ZCCHC14: variants seen among roughly 807,000 people sequenced by gnomAD.
The protein encoded by ZCCHC14 is zinc finger CCHC domain-containing protein 14.
In ZCCHC14, 16 loss-of-function variants were observed where a neutral mutation model predicts 85.0. The observed-to-expected ratio is 0.19, with a 90% confidence interval of 0.13 to 0.29. ZCCHC14 has a LOEUF of 0.29. Ranked by LOEUF, ZCCHC14 falls within the 10% of genes least tolerant of loss-of-function variation. The pLI is 1.00. For synonymous variants in ZCCHC14, 775 were observed against 630.7 expected (o/e 1.23, Z -3.43); for missense variants, 1,303 against 1,443.5 (o/e 0.90, Z 1.58).
At chr16:87,419,348 T>C (rs1387204170) in intron 6 of ZCCHC14, among the ~76,000 whole-genome samples, 2 of 152,064 alleles carry the variant, frequency 1.3e-5, no homozygotes, top group African/African-American at 4.8e-5. Context: ...TCAACCATGC[T>C]GGAGTGCAGT....
At chr16:87,469,466 G>T (rs891022351) in intron 1 of ZCCHC14, among the ~76,000 whole-genome samples, 1 of 152,194 alleles carries the variant, frequency 6.6e-6, no homozygotes, top group Non-Finnish European at 1.5e-5. Context: ...GGAGGCGAGC[G>T]GAGCACAGCG....
chr16:87,480,647 T>G (rs1597453627), intron 1 of ZCCHC14, among the ~76,000 whole-genome samples: 2 of 152,146 alleles, frequency 1.3e-5, no homozygotes. Context: ...CTCCTGCCCC[T>G]GGGTTTAACG....
At chr16:87,450,846 G>A (rs1301289248) in intron 2 of ZCCHC14, among the ~76,000 whole-genome samples, 1 of 151,520 alleles carries the variant, frequency 6.6e-6, no homozygotes, top group Non-Finnish European at 1.5e-5. Flanking sequence ...GTGAGCCACT[G>A]CGCATGGTCT....
intron 1 of ZCCHC14, among the ~76,000 whole-genome samples, chr16:87,463,367 G>A (rs894404158): frequency 5.3e-5 from 8 of 152,220 alleles, no homozygotes; most frequent in South Asian, 2.1e-4. Flanking sequence ...GGGCGATAGC[G>A]AGACCCTGTC....
intron 1 of ZCCHC14, among the ~76,000 whole-genome samples, chr16:87,486,267 A>T (rs1241628000): frequency 6.6e-6 from 1 of 152,164 alleles, no homozygotes; most frequent in Non-Finnish European, 1.5e-5. Context: ...CACGCACTGC[A>T]TAAGGATGCT....
intron 1 of ZCCHC14, among the ~76,000 whole-genome samples, chr16:87,478,230 G>A (rs1356652292): frequency 6.6e-6 from 1 of 152,210 alleles, no homozygotes; most frequent in African/African-American, 2.4e-5. Flanking sequence ...AGTGTCGAAA[G>A]TTCAGAATCT....
chr16:87,460,121 C>T lies in ZCCHC14; in HGVS notation c.581G>A (p.Arg194Lys). ...GACACTGCTGACAGGGGCCTCAGTT[C>T]TTGGAGTGATCTGAGGGAACAGAAA... ...TCPACHKITP[R>K]TEAPVSSVSN... The change falls in exon 2 of 13, where the codon AGA becomes AAA. Residue 194 changes from arginine (R) to lysine (K), a missense_variant. Physicochemically the swap from Arg to Lys is conservative, Grantham distance 26 (BLOSUM62 2). Coordinates refer to ENST00000671377, the MANE Select transcript of ZCCHC14 (RefSeq NM_015144.3). 2 of 1,614,180 alleles carry T rather than the reference C, an allele frequency of 1.2e-6. No homozygotes were observed. The highest frequency in any genetic ancestry group is 8.5e-7 in the Non-Finnish European group (1 of 1,180,016).
At chr16:87,486,709 C>G (rs1242947880) in intron 1 of ZCCHC14, among the ~76,000 whole-genome samples, 1 of 152,198 alleles carries the variant, frequency 6.6e-6, no homozygotes. Flanking sequence ...AGAATATTAT[C>G]TCCTGTATCT....
chr16:87,475,139 G>A (rs760983970), intron 1 of ZCCHC14, among the ~76,000 whole-genome samples: 33 of 152,232 alleles, frequency 2.2e-4, no homozygotes, highest in Non-Finnish European at 4.4e-4. Flanking sequence ...CACCCATGCT[G>A]CCAGCACAGG....
At chr16:87,471,199 A>G in intron 1 of ZCCHC14, 1 of 152,234 alleles carries the variant, frequency 6.6e-6, no homozygotes, top group East Asian at 1.9e-4. Context: ...ACGTCTGTTA[A>G]ATACTTTTAA....
intron 2 of ZCCHC14, among the ~76,000 whole-genome samples, chr16:87,438,079 G>A (rs573600833): frequency 1.3e-5 from 2 of 152,380 alleles, no homozygotes; most frequent in East Asian, 3.9e-4. Context: ...GAGAAAATGA[G>A]GAAAAACCCA....
At chr16:87,466,099 A>G (rs973291861) in intron 1 of ZCCHC14, among the ~76,000 whole-genome samples, 1 of 142,514 alleles carries the variant, frequency 7.0e-6, no homozygotes. Context: ...GACCCCCGCT[A>G]ACTACCCCCC....
chr16:87,411,110 G>A (rs944421630), intron 12 of ZCCHC14, among the ~76,000 whole-genome samples: 76 of 152,240 alleles, frequency 5.0e-4, no homozygotes, highest in Middle Eastern at 3.2e-3. Context: ...CAGCCGCGCC[G>A]GCAGGGAGGG....
chr16:87,408,440 C>G lies in ZCCHC14; in HGVS notation c.*1840G>C, dbSNP rs1420557357. 6.5e-6 allele frequency: 1 copy of G among 152,676 alleles called. No homozygotes were observed. Among genetic ancestry groups the G allele is most frequent in the African/African-American group, 2.4e-5 (1 of 41,554 alleles). 9.5% of individuals were successfully genotyped at this position (152,676 alleles called of 1,614,324 possible). A position where few individuals can be genotyped will look rare whatever the true frequency, so the allele number is the denominator to read the frequency against. On this transcript the variant is annotated 3_prime_UTR_variant, in exon 13 of 13. Coordinates refer to ENST00000671377, the MANE Select transcript of ZCCHC14 (RefSeq NM_015144.3). The stretch of plus-strand genomic sequence containing the variant: ...TTCCTTAAACGTAATATGAGAAGGT[C>G]CAGTCTAGTACTCTTTAAGGCAAAG...
chr16:87,443,970 G>A (rs1231191441), intron 2 of ZCCHC14, among the ~76,000 whole-genome samples: 3 of 147,566 alleles, frequency 2.0e-5, no homozygotes, highest in Non-Finnish European at 4.5e-5. Flanking sequence ...CTGGGAGGCG[G>A]AGATTACAGT....
chr16:87,469,003 C>G (rs1170007529), intron 1 of ZCCHC14, among the ~76,000 whole-genome samples: 1 of 152,176 alleles, frequency 6.6e-6, no homozygotes, highest in Non-Finnish European at 1.5e-5. Flanking sequence ...GTTTAAAAAG[C>G]CAGGTGCCAA....
chr16:87,428,532 G>A (rs1909488088), intron 3 of ZCCHC14, among the ~76,000 whole-genome samples: 1 of 152,170 alleles, frequency 6.6e-6, no homozygotes, highest in Non-Finnish European at 1.5e-5. Flanking sequence ...AGGAAAATTT[G>A]AATCTTCAAG....
intron 2 of ZCCHC14, among the ~76,000 whole-genome samples, chr16:87,445,498 G>A (rs1349929976): frequency 6.6e-6 from 1 of 152,152 alleles, no homozygotes; most frequent in Non-Finnish European, 1.5e-5. Context: ...TATGATTGCT[G>A]TGTTATCTTC....
At chr16:87,461,833 C>A (rs1210965471) in intron 1 of ZCCHC14, among the ~76,000 whole-genome samples, 2 of 152,256 alleles carry the variant, frequency 1.3e-5, no homozygotes, top group African/African-American at 4.8e-5. Flanking sequence ...CCAGCTCTGT[C>A]AATGCCCCTG....
Sources: allele counts gnomAD v4.1 joint callset (sites outside exome capture counted in the v4.1 genomes callset), GRCh38; gene constraint gnomAD v4.1.1; transcripts MANE v1.5; gene names NCBI Gene and HGNC (gene_info 2026-07-23, HGNC 2026-07-21).